The following BTBD7 variants were observed in gnomAD, a reference collection of about 807,000 sequenced individuals.
BTBD7 encodes BTB domain containing 7, also known as BTB/POZ domain-containing protein 7.
In BTBD7, 38 loss-of-function variants were observed where a neutral mutation model predicts 99.9. The ratio of observed to expected loss-of-function variants is 0.38; its 90% CI spans 0.29 to 0.50. The LOEUF is 0.50. Ranked by LOEUF, BTBD7 falls within the 20% of genes least tolerant of loss-of-function variation. The pLI is 0.93. For synonymous variants in BTBD7, 520 were observed against 511.4 expected, an observed-to-expected ratio of 1.02 and a Z score of -0.23; for missense variants, 1,170 against 1,394.6, an observed-to-expected ratio of 0.84 and a Z score of 2.57.
intron 7 of BTBD7, among the ~76,000 whole-genome samples, chr14:93,252,990 ATTT>A (rs2052386134): frequency 6.6e-6 from 1 of 151,800 alleles, no homozygotes; most frequent in Non-Finnish European, 1.5e-5. Context: ...AACTGGCTAA[ATTT>A]TTCCTTTTAG....
chr14:93,321,404 C>G (rs1420574090), intron 1 of BTBD7, among the ~76,000 whole-genome samples: 2 of 152,118 alleles, frequency 1.3e-5, no homozygotes, highest in African/African-American at 4.8e-5. Flanking sequence ...ACCAGCCTGG[C>G]CAACATGGTG....
chr14:93,248,424 C>T (rs2052337210), intron 9 of BTBD7, 52 bp downstream of exon 9: 1 of 1,579,712 alleles, frequency 6.3e-7, no homozygotes, highest in Non-Finnish European at 8.6e-7. Context: ...ACAATACTGC[C>T]TGTCTGGTGA....
rs67961223 is a variant in BTBD7, at chr14:93,241,311, ATT to A, written c.*960_*961del. ...GGCACGCACCACCACGCCTGGCTAG[ATT>A]TTTTTTTTTTTGTATTTTTTATAGA... On this transcript the variant is annotated 3_prime_UTR_variant, in exon 11 of 11. Transcript: ENST00000334746. 1.3e-4 allele frequency: 19 copies of A among 146,264 alleles called. No individual in the cohort carries two copies. Among genetic ancestry groups the A allele is most frequent in the East Asian group, 4.0e-4 (2 of 5,032 alleles). The allele number at this position is 146,264 out of a possible 1,614,324, so 9.1% of individuals were successfully genotyped here.
chr14:93,305,498 A>G (rs1167283121), intron 1 of BTBD7, among the ~76,000 whole-genome samples: 2 of 152,258 alleles, frequency 1.3e-5, no homozygotes, highest in Non-Finnish European at 2.9e-5. Context: ...GTAGAAAACC[A>G]GACAAAACTC....
chr14:93,251,538 A>C lies in BTBD7; in HGVS notation c.1867T>G (p.Cys623Gly), dbSNP rs2052367399. The change falls in exon 8 of 11, where the codon TGT (cysteine) becomes GGT (glycine). Residue 623 changes from cysteine to glycine, a missense_variant. Around this residue, in one of 4 missense-constraint regions of BTBD7, gnomAD observed 309 missense variants for 342.0 expected, o/e 0.90. Transcript: ENST00000334746. ...ATCTGCTGGTGGCTGATCATGTGAC[A>C]ACACTGTGGCACGGCATTATTGACC... is the stretch of plus-strand genomic sequence containing the variant. ...YMVNNAVPQCCHMISHQQISS... is the reference protein window; with the variant it reads ...YMVNNAVPQCGHMISHQQISS... 6.2e-7 allele frequency: 1 copy of C among 1,613,842 alleles called. No individual in the cohort carries two copies. The highest frequency in any genetic ancestry group is 2.2e-5 in the East Asian group (1 of 44,898).
At chr14:93,275,397 T>G (rs1240297849) in intron 3 of BTBD7, among the ~76,000 whole-genome samples, 1 of 152,210 alleles carries the variant, frequency 6.6e-6, no homozygotes, top group Non-Finnish European at 1.5e-5. Context: ...AAGGATGCAT[T>G]ATAGTTTGGC....
At chr14:93,250,457 T>C (rs1446430198) in intron 8 of BTBD7, among the ~76,000 whole-genome samples, 1 of 152,194 alleles carries the variant, frequency 6.6e-6, no homozygotes, top group Non-Finnish European at 1.5e-5. Flanking sequence ...GTGGCCAAAT[T>C]TGATAAGGTA....
chr14:93,268,362 A>G (rs2052564212), intron 3 of BTBD7, among the ~76,000 whole-genome samples: 1 of 152,186 alleles, frequency 6.6e-6, no homozygotes, highest in Admixed American at 6.5e-5. Context: ...TTTCTTATAT[A>G]TATTTGTCTG....
At position 93,253,802 on chromosome 14, in the gene BTBD7, T is replaced by A. The variant is rs768102293; in HGVS notation, c.1609-12A>T. ...AAGCCTCTTTTCATCTAAAAAAAAA[T>A]TTTTTTTTTAGATAGAAATCTGTGT... On this transcript the variant is annotated splice_polypyrimidine_tract_variant and intron_variant, in intron 6 of 10. Transcript: ENST00000334746. 115 of 1,414,166 alleles carry A rather than the reference T, an allele frequency of 8.1e-5. No homozygotes were observed. The South Asian group carries it at 1.0e-3, about 13-fold the overall frequency. 87.6% of individuals were successfully genotyped at this position (1,414,166 alleles called of 1,614,324 possible).
At position 93,246,108 on chromosome 14, in the gene BTBD7, G is replaced by T; in HGVS notation, c.2300C>A (p.Pro767His). 3 of 1,539,880 alleles carry T rather than the reference G, an allele frequency of 1.9e-6. No homozygotes were observed. The highest frequency in any genetic ancestry group is 2.6e-6 in the Non-Finnish European group (3 of 1,144,322). The change falls in exon 10 of 11, where the codon CCC (proline) becomes CAC (histidine). Residue 767 changes from proline (P) to histidine (H), a missense_variant. Coordinates refer to ENST00000334746, the MANE Select transcript of BTBD7 (RefSeq NM_001002860.4). ...TTGGTTATGGATTGGGGTAGCTGGGGGGTGGTAGGGAGGTGGTGGAGGGGG... is the reference window on the plus strand; with the variant it reads ...TTGGTTATGGATTGGGGTAGCTGGGTGGTGGTAGGGAGGTGGTGGAGGGGG... ...PLPPPPPPYH[P>H]PATPIHNQLK...
Position 93,283,785 on chromosome 14 carries a change from T to G in BTBD7, c.1162+10073A>C, listed in dbSNP as rs528909253. ...CAGGCTGGTCTCGAACTCCTGGCCT[T>G]AAGTAATCTGCCTGCTTCGGCCTCT... is the stretch of plus-strand genomic sequence containing the variant. On this transcript the variant is annotated intron_variant, in intron 3 of 10. Transcript: ENST00000334746. 5.3e-5 allele frequency among the ~76,000 whole-genome samples: 8 copies of G among 152,294 alleles called. No individual in the cohort carries two copies. The East Asian group carries it at 1.5e-3, about 29-fold the overall frequency.
At chr14:93,262,616 C>G (rs1005489165) in intron 4 of BTBD7, among the ~76,000 whole-genome samples, 3 of 152,096 alleles carry the variant, frequency 2.0e-5, no homozygotes, top group Non-Finnish European at 4.4e-5. Context: ...CTACTCTCTC[C>G]TGGAGGGACA....
chr14:93,316,706 T>G (rs72708579), intron 1 of BTBD7, among the ~76,000 whole-genome samples: 10,554 of 152,266 alleles, frequency 0.069, 423 homozygotes, highest in Middle Eastern at 0.12. Flanking sequence ...GCTGAATCTA[T>G]GAATGAAATA....
intron 1 of BTBD7, among the ~76,000 whole-genome samples, chr14:93,319,413 A>C (rs2053244686): frequency 6.6e-6 from 1 of 152,234 alleles, no homozygotes; most frequent in African/African-American, 2.4e-5. Flanking sequence ...AAATGTAGTA[A>C]ATACATAAAT....
intron 5 of BTBD7, among the ~76,000 whole-genome samples, chr14:93,260,992 G>A (rs2052483152): frequency 6.6e-6 from 1 of 152,092 alleles, no homozygotes; most frequent in South Asian, 2.1e-4. Context: ...CCAGGTTCAA[G>A]TGATTCTCAT....
At chr14:93,318,291 T>C (rs938475450) in intron 1 of BTBD7, among the ~76,000 whole-genome samples, 1 of 152,186 alleles carries the variant, frequency 6.6e-6, no homozygotes, top group Admixed American at 6.5e-5. Context: ...AAGATCAGAA[T>C]AGCAGTAACC....
intron 3 of BTBD7, among the ~76,000 whole-genome samples, chr14:93,274,776 T>C (rs751036882): frequency 9.2e-5 from 14 of 152,216 alleles, no homozygotes; most frequent in Non-Finnish European, 2.1e-4. Flanking sequence ...AAAGAGCAGA[T>C]ACAAAAATCT....
chr14:93,246,137 G>C lies in BTBD7; in HGVS notation c.2271C>G (p.Pro757=), dbSNP rs2052306018. The C allele has an allele frequency of 6.2e-7, 1 of 1,613,926 alleles. No homozygotes were observed. The highest frequency in any genetic ancestry group is 1.3e-5 in the African/African-American group (1 of 74,896). ...GGTAGGGAGGTGGTGGAGGGGGCAA[G>C]GGTGGATGGAAGGCCACAAAAGAGT... ...DLDSFVAFHP[P]LPPPPPPYHP... Residue 757 remains proline (P), a synonymous_variant, in exon 10 of 11, where the codon CCC becomes CCG. Transcript: ENST00000334746.
chr14:93,285,180 T>C (rs8018204), intron 3 of BTBD7, among the ~76,000 whole-genome samples: 2,677 of 152,200 alleles, frequency 0.018, 41 homozygotes, highest in South Asian at 0.076. Context: ...AGTGTCAATA[T>C]GTAGACAGTG....
Sources: allele counts gnomAD v4.1 joint callset (sites outside exome capture counted in the v4.1 genomes callset), GRCh38; gene constraint gnomAD v4.1.1; regional missense constraint gnomAD v4.1.1; transcripts MANE v1.5; gene names NCBI Gene and HGNC (gene_info 2026-07-23, HGNC 2026-07-21).